Variants in LEF1 observed in about 807,000 individuals in gnomAD.
LEF1 encodes the protein lymphoid enhancer-binding factor 1.
A neutral mutation model predicts 51.2 loss-of-function variants in LEF1; 14 were observed. The observed-to-expected ratio is 0.27, with a 90% CI of 0.18 to 0.43. The LOEUF (loss-of-function observed/expected upper bound fraction) is 0.43. Ranked by LOEUF, LEF1 falls within the 20% of genes least tolerant of loss-of-function variation. The probability of loss-of-function intolerance (pLI) is 1.00; values close to 1 mark genes in which losing one functional copy is unlikely to be tolerated. For missense variants in LEF1, 386 were observed against 512.0 expected (o/e 0.75, Z 2.37); for synonymous variants, 185 against 183.2 (o/e 1.01, Z -0.08).
intron 3 of LEF1, among the ~76,000 whole-genome samples, chr4:108,091,862 G>A (rs1273436452): frequency 2.0e-5 from 3 of 152,078 alleles, no homozygotes; most frequent in African/African-American, 4.8e-5. Context: ...TGTTAAAATC[G>A]ATAGATTTCA....
chr4:108,058,745 T>C (rs1737472179), intron 11 of LEF1, among the ~76,000 whole-genome samples: 1 of 152,226 alleles, frequency 6.6e-6, no homozygotes, highest in Non-Finnish European at 1.5e-5. Context: ...GTCTATATCT[T>C]CTTAAACTTG....
chr4:108,057,455 G>A (rs1408285137), intron 11 of LEF1, among the ~76,000 whole-genome samples: 2 of 152,110 alleles, frequency 1.3e-5, no homozygotes, highest in East Asian at 3.9e-4. Flanking sequence ...AAAAATCATA[G>A]GAAATAAATA....
intron 11 of LEF1, among the ~76,000 whole-genome samples, chr4:108,062,215 T>C (rs1737743146): frequency 1.3e-5 from 2 of 152,212 alleles, no homozygotes; most frequent in African/African-American, 4.8e-5. Context: ...CTGGCCCCTT[T>C]TGGGCAAGTT....
In LEF1 at chr4:108,168,017, G is replaced by A. The variant is rs574001988; in HGVS notation, c.-250C>T. ...GAGACCGACGCAGGCGCCCGCCCCC[G>A]AGGCCGAAGGGCACTGGGCGGCGAG... On this transcript the variant is annotated 5_prime_UTR_variant, in exon 1 of 12. Coordinates refer to ENST00000265165, the MANE Select transcript of LEF1 (RefSeq NM_016269.5). This position sits in a 1 kb window ranked among gnomAD's most constrained non-coding sequence, Gnocchi z 4.6. 2.1e-3 allele frequency: 373 copies of A among 176,988 alleles called. 3 individuals carry two copies. Among genetic ancestry groups the A allele is most frequent in the African/African-American group, 8.5e-3 (357 of 42,140 alleles). 11.0% of individuals were successfully genotyped at this position (176,988 alleles called of 1,614,324 possible).
chr4:108,071,102 A>G (rs565595881), intron 8 of LEF1, among the ~76,000 whole-genome samples: 2 of 152,226 alleles, frequency 1.3e-5, no homozygotes, highest in South Asian at 4.2e-4. Context: ...GAACCTCAAC[A>G]CCCAACTTCA....
At chr4:108,067,683 C>T (rs1299964263) in intron 9 of LEF1, among the ~76,000 whole-genome samples, 1 of 151,980 alleles carries the variant, frequency 6.6e-6, no homozygotes, top group Non-Finnish European at 1.5e-5. Flanking sequence ...GCGCACACCA[C>T]CATGCCCAGC....
chr4:108,104,813 T>C (rs975918023), intron 3 of LEF1: 7 of 301,310 alleles, frequency 2.3e-5, no homozygotes, highest in Admixed American at 1.3e-4. Context: ...ATGGCATCAA[T>C]CTGACTCTCT....
At chr4:108,070,390 T>C in intron 9 of LEF1, 1 of 256,416 alleles carries the variant, frequency 3.9e-6, no homozygotes, top group Non-Finnish European at 7.3e-6. Context: ...TGGTCTTTTT[T>C]TAATGTTTCT....
At chr4:108,079,754 T>C (rs1739160387) in intron 6 of LEF1, 140 bp from the exon 7 acceptor site, 1 of 719,050 alleles carries the variant, frequency 1.4e-6, no homozygotes, top group Non-Finnish European at 2.2e-6. Flanking sequence ...AACTATAAAT[T>C]AGAGTGGGCC....
intron 11 of LEF1, among the ~76,000 whole-genome samples, chr4:108,061,481 T>C (rs929702326): frequency 1.3e-5 from 2 of 152,180 alleles, no homozygotes; most frequent in South Asian, 2.1e-4. Flanking sequence ...CTTTTTAATA[T>C]AAATAGTTAG....
intron 11 of LEF1, among the ~76,000 whole-genome samples, chr4:108,052,967 C>T (rs73839804): frequency 0.022 from 3,320 of 152,276 alleles, 128 homozygotes; most frequent in African/African-American, 0.074. Context: ...CAGTAACTTG[C>T]CAAAGGTCAC....
At chr4:108,163,863 C>A (rs1745224089) in intron 2 of LEF1, among the ~76,000 whole-genome samples, 162 bp from the exon 3 acceptor site, 1 of 152,210 alleles carries the variant, frequency 6.6e-6, no homozygotes, top group South Asian at 2.1e-4. Flanking sequence ...TTTAGATTGA[C>A]AGTATTTATT....
intron 8 of LEF1, among the ~76,000 whole-genome samples, chr4:108,077,432 G>GCGCCTCTGCCCGGCTGCCGCC (rs1362969307): frequency 6.8e-6 from 1 of 147,122 alleles, no homozygotes; most frequent in African/African-American, 2.5e-5. Flanking sequence ...GAAGTGAGGG[G>GCGCCTCTGCCCGGCTGCCGCC]CACCTCTGCC....
At chr4:108,102,284 A>G (rs1740879147) in intron 3 of LEF1, among the ~76,000 whole-genome samples, 1 of 152,128 alleles carries the variant, frequency 6.6e-6, no homozygotes, top group African/African-American at 2.4e-5. Flanking sequence ...CATTACTTCA[A>G]TTCTCATTAA....
At chr4:108,107,379 T>C (rs1392697243) in intron 3 of LEF1, among the ~76,000 whole-genome samples, 1 of 151,976 alleles carries the variant, frequency 6.6e-6, no homozygotes, top group Non-Finnish European at 1.5e-5. Context: ...ACCAGAAGTA[T>C]ATGCACTGAA....
At chr4:108,068,772 T>A (rs1738257250) in intron 9 of LEF1, among the ~76,000 whole-genome samples, 1 of 152,202 alleles carries the variant, frequency 6.6e-6, no homozygotes, top group South Asian at 2.1e-4. Context: ...CAGATATGCA[T>A]CCTTGTCATC....
intron 9 of LEF1, among the ~76,000 whole-genome samples, chr4:108,069,001 T>G (rs1176971698): frequency 6.6e-6 from 1 of 152,212 alleles, no homozygotes; most frequent in Non-Finnish European, 1.5e-5. Context: ...ATGCTGAAAT[T>G]CTAACCCCCA....
At chr4:108,061,891 T>C (rs1396336891) in intron 11 of LEF1, among the ~76,000 whole-genome samples, 1 of 152,224 alleles carries the variant, frequency 6.6e-6, no homozygotes, top group Non-Finnish European at 1.5e-5. Context: ...CCACTCAGTA[T>C]TAGTTTAGAA....
chr4:108,167,494 C>A lies in LEF1; in HGVS notation c.213+61G>T. 1 of 1,566,190 alleles carries A rather than the reference C, an allele frequency of 6.4e-7. No individual in the cohort carries two copies. Among genetic ancestry groups the A allele is most frequent in the Non-Finnish European group, 8.7e-7 (1 of 1,143,784 alleles). On this transcript the variant is annotated intron_variant, in intron 1 of 11. Coordinates refer to ENST00000265165, the MANE Select transcript of LEF1 (RefSeq NM_016269.5). The surrounding 1 kb of genome is among the most constrained non-coding windows in gnomAD (Gnocchi z 5.7). Reference sequence around the variant, plus strand: ...GCCGGGCGCCTTCGTTCCCTTCCTCCCTCTCTGAGTTTCCCAGGGACCCGC... The same window carrying A: ...GCCGGGCGCCTTCGTTCCCTTCCTCACTCTCTGAGTTTCCCAGGGACCCGC...
Sources: gnomAD v4.1 joint callset for allele counts (sites outside exome capture counted in the v4.1 genomes callset) on GRCh38, gnomAD v4.1.1 for gene constraint, Gnocchi (gnomAD v3.1) non-coding constraint, MANE v1.5 for transcripts, NCBI Gene and HGNC (gene_info 2026-07-23, HGNC 2026-07-21) for gene names.